PIP5K1C: variants seen among roughly 807,000 people sequenced by gnomAD.
PIP5K1C encodes the protein phosphatidylinositol 4-phosphate 5-kinase type-1 gamma.
In PIP5K1C, 45 loss-of-function variants were observed where a neutral mutation model predicts 80.1. The ratio of observed to expected loss-of-function variants is 0.56; its 90% CI spans 0.44 to 0.72. PIP5K1C has a LOEUF of 0.72. PIP5K1C is among the 30% of genes least tolerant of loss of function. PIP5K1C has a pLI of 0.00. For missense variants in PIP5K1C, 753 were observed against 954.6 expected, an observed-to-expected ratio of 0.79 and a Z score of 2.78; for synonymous variants, 498 against 420.1, an observed-to-expected ratio of 1.19 and a Z score of -2.27.
chr19:3,690,332 A>G (rs2035910254), intron 1 of PIP5K1C, among the ~76,000 whole-genome samples: 1 of 152,084 alleles, frequency 6.6e-6, no homozygotes, highest in South Asian at 2.1e-4. Flanking sequence ...CCCTGTCTCC[A>G]TAAAAGATGA....
intron 5 of PIP5K1C, among the ~76,000 whole-genome samples, chr19:3,659,951 G>A (rs905689413): frequency 4.6e-5 from 7 of 152,308 alleles, no homozygotes; most frequent in African/African-American, 1.2e-4. Flanking sequence ...AACGCCAACC[G>A]CACTTGTCTA....
At chr19:3,639,802 T>C (rs951584567) in intron 15 of PIP5K1C, among the ~76,000 whole-genome samples, 7 of 152,168 alleles carry the variant, frequency 4.6e-5, no homozygotes, top group African/African-American at 1.7e-4. Context: ...GAGTCTATCA[T>C]GGGGGATGGA....
Position 3,646,078 on chromosome 19 carries a change from G to C in PIP5K1C, c.1261-20C>G, listed in dbSNP as rs758447439. 1 of 1,536,016 alleles carries C rather than the reference G, an allele frequency of 6.5e-7. No homozygotes were observed. Among genetic ancestry groups the C allele is most frequent in the South Asian group, 1.1e-5 (1 of 89,530 alleles). The stretch of plus-strand genomic sequence containing the variant: ...CGTGTCCTGGAAGAGAGTTGGGGGG[G>C]GTGCCCGGGGGCAGAGGGTGCATCA... On this transcript the variant is annotated intron_variant, in intron 10 of 17. Transcript: ENST00000335312.
At chr19:3,646,294 C>T (rs567141722) in intron 10 of PIP5K1C, among the ~76,000 whole-genome samples, 3 of 152,256 alleles carry the variant, frequency 2.0e-5, no homozygotes, top group Middle Eastern at 3.4e-3. Context: ...CACTAGAGAC[C>T]TGTTAGCATT....
At chr19:3,634,414 C>A (rs983916097) in intron 16 of PIP5K1C, among the ~76,000 whole-genome samples, 1 of 152,138 alleles carries the variant, frequency 6.6e-6, no homozygotes, top group Admixed American at 6.5e-5. Flanking sequence ...TGTCACCAAC[C>A]CAGCCTTCAA....
intron 1 of PIP5K1C, 107 bp from the exon 2 acceptor site, chr19:3,667,460 C>A: frequency 8.3e-7 from 1 of 1,210,100 alleles, no homozygotes; most frequent in Non-Finnish European, 1.2e-6. Context: ...GCGTGTGTAA[C>A]TCCGCGTGGG....
chr19:3,646,151 G>T, intron 10 of PIP5K1C, 93 bp from the exon 11 acceptor site: 1 of 787,374 alleles, frequency 1.3e-6, no homozygotes. Flanking sequence ...GTGTGTGGGG[G>T]GCACCTTCTG....
intron 1 of PIP5K1C, among the ~76,000 whole-genome samples, chr19:3,671,043 T>C (rs1294951418): frequency 2.6e-5 from 4 of 152,092 alleles, no homozygotes. Context: ...CGGTTTTACG[T>C]CCAGGGTGTG....
chr19:3,633,445 T>C lies in PIP5K1C; in HGVS notation c.1996A>G (p.Ser666Gly). Residue 666 changes from serine (S) to glycine (G), a missense_variant, in exon 17 of 18, where the codon AGC (serine) becomes GGC (glycine). Physicochemically the swap from Ser to Gly is moderately conservative, Grantham distance 56 (BLOSUM62 0). Around this residue, in one of 6 missense-constraint regions of PIP5K1C, gnomAD observed 315 missense variants for 294.5 expected, o/e 1.07. Coordinates refer to ENST00000335312, the MANE Select transcript of PIP5K1C (RefSeq NM_012398.3). ...AQAPPASDGESDT is the reference protein window; with the variant it reads ...AQAPPASDGEGDT ...ACCTGGGCTGCACTTACTGTGTCGCTCTCGCCGTCGGAGGCCGGGGGGGCC... is the reference window on the plus strand; with the variant it reads ...ACCTGGGCTGCACTTACTGTGTCGCCCTCGCCGTCGGAGGCCGGGGGGGCC... The C allele has an allele frequency of 1.3e-6, 2 of 1,493,880 alleles. No homozygotes were observed. The highest frequency in any genetic ancestry group is 1.8e-6 in the Non-Finnish European group (2 of 1,118,324). 92.5% of individuals were successfully genotyped at this position (1,493,880 alleles called of 1,614,324 possible).
At chr19:3,693,715 C>A (rs1600097469) in intron 1 of PIP5K1C, among the ~76,000 whole-genome samples, 1 of 136,604 alleles carries the variant, frequency 7.3e-6, no homozygotes, top group South Asian at 2.4e-4. Flanking sequence ...GGGGCTAGGG[C>A]CTCACCCATC....
At chr19:3,643,425 C>A (rs2034067850) in intron 12 of PIP5K1C, 44 bp from the exon 13 acceptor site, 9 of 1,609,694 alleles carry the variant, frequency 5.6e-6, no homozygotes, top group Non-Finnish European at 7.6e-6. Flanking sequence ...CCTCCGAGCC[C>A]CCAAACACAC....
At chr19:3,664,738 A>G (rs933007306) in intron 3 of PIP5K1C, 84 bp downstream of exon 3, 10 of 1,146,950 alleles carry the variant, frequency 8.7e-6, no homozygotes, top group Non-Finnish European at 1.3e-5. Flanking sequence ...CGGGGGCGAT[A>G]GGCCCCATCC....
intron 1 of PIP5K1C, among the ~76,000 whole-genome samples, chr19:3,693,047 C>T (rs1017434327): frequency 2.0e-5 from 3 of 149,346 alleles, no homozygotes; most frequent in Admixed American, 2.0e-4. Context: ...GGCACTTGTC[C>T]ACTGCGTTGC....
chr19:3,633,414 G>A (rs751639356), intron 17 of PIP5K1C, 23 bp downstream of exon 17: 10 of 1,432,550 alleles, frequency 7.0e-6, no homozygotes, highest in South Asian at 3.1e-5. Context: ...CGGGACCGGC[G>A]GGTGCACCTG....
chr19:3,683,716 A>T (rs2035660774), intron 1 of PIP5K1C, among the ~76,000 whole-genome samples: 1 of 152,116 alleles, frequency 6.6e-6, no homozygotes, highest in African/African-American at 2.4e-5. Flanking sequence ...AGTGAGGAGG[A>T]GCCAGGCGGG....
intron 2 of PIP5K1C, among the ~76,000 whole-genome samples, chr19:3,666,742 T>C (rs545682688): frequency 1.4e-5 from 2 of 142,186 alleles, no homozygotes; most frequent in African/African-American, 5.4e-5. Flanking sequence ...CAGGCAAACA[T>C]GCACACACAC....
rs1020855843 is a variant in PIP5K1C, at chr19:3,676,571, C to T, written c.95-9218G>A. Among the ~76,000 whole-genome samples the T allele has an allele frequency of 3.5e-4, 54 of 152,340 alleles. 1 individual carries two copies. Among genetic ancestry groups the T allele is most frequent in the African/African-American group, 1.1e-3 (47 of 41,588 alleles). ...CCCCACGGCCCACTCCCCGACGGCG[C>T]GTGGCCAGGAGGCGCCTGTGAGCAC... On this transcript the variant is annotated intron_variant, in intron 1 of 17. Transcript: ENST00000335312.
At position 3,632,093 on chromosome 19, in the gene PIP5K1C, G is replaced by A. The variant is rs1306855394; in HGVS notation, c.*1074C>T. 1 of 152,316 alleles carries A rather than the reference G, an allele frequency of 6.6e-6. No homozygotes were observed. Among genetic ancestry groups the A allele is most frequent in the Non-Finnish European group, 1.5e-5 (1 of 68,082 alleles). The allele number at this position is 152,316 out of a possible 1,614,324, so 9.4% of individuals were successfully genotyped here. A position where few individuals can be genotyped will look rare whatever the true frequency, so the allele number is the denominator to read the frequency against. ...CCACTGGGAGCGCTGCCCTCTTGGAGGGTGATGAGTCGGAAACAAAGTCTT... is the reference window on the plus strand; with the variant it reads ...CCACTGGGAGCGCTGCCCTCTTGGAAGGTGATGAGTCGGAAACAAAGTCTT... On this transcript the variant is annotated 3_prime_UTR_variant, in exon 18 of 18. Transcript: ENST00000335312.
chr19:3,690,223 G>A (rs759846678), intron 1 of PIP5K1C, among the ~76,000 whole-genome samples: 10 of 152,012 alleles, frequency 6.6e-5, no homozygotes, highest in African/African-American at 1.4e-4. Context: ...TAGGCTGGGC[G>A]CACTGGCTCA....
Sources: allele counts gnomAD v4.1 joint callset (sites outside exome capture counted in the v4.1 genomes callset), GRCh38; gene constraint gnomAD v4.1.1; regional missense constraint gnomAD v4.1.1; transcripts MANE v1.5; gene names NCBI Gene and HGNC (gene_info 2026-07-23, HGNC 2026-07-21).